Variants in KCNH1 observed in about 807,000 individuals in gnomAD.
KCNH1 encodes voltage-gated delayed rectifier potassium channel KCNH1.
Under a neutral mutation model 69.2 loss-of-function variants are expected in KCNH1, and 27 were observed. The ratio of observed to expected loss-of-function variants is 0.39; its 90% CI spans 0.29 to 0.54. The LOEUF (loss-of-function observed/expected upper bound fraction) is 0.54. Among genes scored for constraint, KCNH1 ranks in the 20% least tolerant of loss-of-function variants. KCNH1 has a pLI of 0.68. For missense variants in KCNH1, 798 were observed against 1,261.6 expected (o/e 0.63, Z 5.57); for synonymous variants, 456 against 487.7 (o/e 0.93, Z 0.86).
rs768204088 is a variant in KCNH1, at chr1:210,683,880, G to A, written c.2371C>T (p.Arg791Cys). The change falls in exon 11 of 11, where the codon CGT becomes TGT. Residue 791 changes from arginine to cysteine, a missense_variant. Physicochemically the swap from Arg to Cys is radical, Grantham distance 180. This residue lies in a region of KCNH1 where 331 missense variants were observed against 363.2 expected (regional missense o/e 0.91). Coordinates refer to ENST00000271751, the MANE Select transcript of KCNH1 (RefSeq NM_172362.3). This position sits in a 1 kb window ranked among gnomAD's most constrained non-coding sequence, Gnocchi z 5.7. ...GATACGGGCGTGGCAGGACTCTCACGCACGGTGACCACGCTGGCCTTCACG... is the reference window on the plus strand; with the variant it reads ...GATACGGGCGTGGCAGGACTCTCACACACGGTGACCACGCTGGCCTTCACG... Reference protein sequence around the residue: ...SLVKASVVTVRESPATPVSFQ... With the variant: ...SLVKASVVTVCESPATPVSFQ... 3.1e-6 allele frequency: 5 copies of A among 1,613,920 alleles called. No homozygotes were observed. Among genetic ancestry groups the A allele is most frequent in the African/African-American group, 2.7e-5 (2 of 74,922 alleles).
At chr1:211,012,104 T>C (rs917651097) in intron 6 of KCNH1, among the ~76,000 whole-genome samples, 2 of 152,120 alleles carry the variant, frequency 1.3e-5, no homozygotes, top group Non-Finnish European at 2.9e-5. Flanking sequence ...TCCAAAATAA[T>C]TGGATAGAAG....
intron 7 of KCNH1, among the ~76,000 whole-genome samples, chr1:210,870,454 G>A (rs1316584179): frequency 1.3e-5 from 2 of 152,128 alleles, no homozygotes; most frequent in African/African-American, 4.8e-5. Flanking sequence ...TCTCCCAGCT[G>A]AGATTCTTAG....
Position 210,681,092 on chromosome 1 carries a change from G to C in KCNH1, c.*2189C>G, listed in dbSNP as rs1256223784. ...GCAGGTTCTTCTGAGGCTGGGTTTTGGGGGTGATTAGAGGCCTGCCCTGCC... is the reference window on the plus strand; with the variant it reads ...GCAGGTTCTTCTGAGGCTGGGTTTTCGGGGTGATTAGAGGCCTGCCCTGCC... On this transcript the variant is annotated 3_prime_UTR_variant, in exon 11 of 11. Transcript: ENST00000271751. The C allele has an allele frequency of 6.6e-6, 1 of 152,212 alleles. No individual in the cohort carries two copies. Among genetic ancestry groups the C allele is most frequent in the Admixed American group, 6.5e-5 (1 of 15,288 alleles). The allele number at this position is 152,212 out of a possible 1,614,324, so 9.4% of individuals were successfully genotyped here. A position where few individuals can be genotyped will look rare whatever the true frequency, so the allele number is the denominator to read the frequency against.
chr1:210,690,699 C>A (rs888689591), intron 10 of KCNH1, among the ~76,000 whole-genome samples: 1 of 152,176 alleles, frequency 6.6e-6, no homozygotes, highest in African/African-American at 2.4e-5. Flanking sequence ...ATTTTCTCCT[C>A]GGTATCATGA....
chr1:211,024,324 G>A (rs1481747293), intron 5 of KCNH1, among the ~76,000 whole-genome samples: 1 of 152,212 alleles, frequency 6.6e-6, no homozygotes, highest in African/African-American at 2.4e-5. Flanking sequence ...TGACAACAAA[G>A]AATCAGCCAT....
rs544954730 is a variant in KCNH1 at position 211,066,260 on chromosome 1, C to T, written c.558+16520G>A. On this transcript the variant is annotated intron_variant, in intron 5 of 10. Transcript: ENST00000271751. ...CTAGAAAGTGATATAAAGAGCCAAACGTCAAAATCTAATATTAAACTAATA... is the reference window on the plus strand; with the variant it reads ...CTAGAAAGTGATATAAAGAGCCAAATGTCAAAATCTAATATTAAACTAATA... Among the ~76,000 whole-genome samples the T allele has an allele frequency of 1.9e-4, 29 of 152,150 alleles. 1 individual carries two copies. Among genetic ancestry groups the T allele is most frequent in the Middle Eastern group, 3.4e-3 (1 of 294 alleles).
chr1:211,062,203 C>T (rs1012008851), intron 5 of KCNH1, among the ~76,000 whole-genome samples: 7 of 152,030 alleles, frequency 4.6e-5, no homozygotes, highest in Non-Finnish European at 1.0e-4. Flanking sequence ...GTATGAAAAA[C>T]ATACATTGGG....
chr1:210,875,786 G>C (rs577054784), intron 7 of KCNH1, among the ~76,000 whole-genome samples: 2 of 145,564 alleles, frequency 1.4e-5, no homozygotes, highest in Non-Finnish European at 3.0e-5. Context: ...CTGGGCTACA[G>C]AGCAAGACAC....
At chr1:210,892,513 CCAG>C (rs1482476047) in intron 7 of KCNH1, among the ~76,000 whole-genome samples, 1 of 152,076 alleles carries the variant, frequency 6.6e-6, no homozygotes, top group Non-Finnish European at 1.5e-5. Context: ...TGCCTCCATC[CCAG>C]CATGGGTCAC....
intron 3 of KCNH1, among the ~76,000 whole-genome samples, chr1:211,098,637 T>C (rs1558603606): frequency 6.6e-6 from 1 of 152,042 alleles, no homozygotes; most frequent in Non-Finnish European, 1.5e-5. Flanking sequence ...AAAAAAGAAC[T>C]AAAACAATGT....
chr1:210,906,276 T>A (rs924569), intron 7 of KCNH1, among the ~76,000 whole-genome samples: 1 of 151,974 alleles, frequency 6.6e-6, no homozygotes, highest in Non-Finnish European at 1.5e-5. Context: ...AGTAATTTCA[T>A]ATGGAGCAAG....
At position 210,846,314 on chromosome 1, in the gene KCNH1, G is replaced by A. The variant is rs1375376931; in HGVS notation, c.1463-42148C>T. Among the ~76,000 whole-genome samples, 4 of 152,228 alleles carry A rather than the reference G, an allele frequency of 2.6e-5. 1 individual carries two copies. The highest frequency in any genetic ancestry group is 3.9e-4 in the East Asian group (2 of 5,184). On this transcript the variant is annotated intron_variant, in intron 7 of 10. Coordinates refer to ENST00000271751, the MANE Select transcript of KCNH1 (RefSeq NM_172362.3). Reference sequence around the variant, plus strand: ...AGAACAAACCTGGAGGCATCACGCTGCCTGACTTCAAACTATACTACAAGG... The same window carrying A: ...AGAACAAACCTGGAGGCATCACGCTACCTGACTTCAAACTATACTACAAGG...
At chr1:211,011,577 C>CTCT (rs1253821642) in intron 6 of KCNH1, among the ~76,000 whole-genome samples, 5 of 152,200 alleles carry the variant, frequency 3.3e-5, no homozygotes, top group Non-Finnish European at 7.3e-5. Flanking sequence ...AATGGTTGAA[C>CTCT]TCTTGCATTG....
intron 8 of KCNH1, among the ~76,000 whole-genome samples, chr1:210,800,586 A>T (rs946032582): frequency 2.6e-5 from 4 of 152,182 alleles, no homozygotes; most frequent in African/African-American, 9.7e-5. Flanking sequence ...AGACTGTCAC[A>T]GCCATCAGTC....
chr1:211,035,431 G>C (rs1418600717), intron 5 of KCNH1, among the ~76,000 whole-genome samples: 3 of 150,508 alleles, frequency 2.0e-5, no homozygotes, highest in Non-Finnish European at 3.0e-5. Context: ...TGTATTTTTA[G>C]TAGAGACGGG....
chr1:210,885,808 T>A (rs1481643723), intron 7 of KCNH1, among the ~76,000 whole-genome samples: 13 of 152,130 alleles, frequency 8.5e-5, no homozygotes, highest in African/African-American at 3.1e-4. Flanking sequence ...CACACCAAAG[T>A]GCCACAAAGC....
intron 10 of KCNH1, among the ~76,000 whole-genome samples, chr1:210,688,854 T>G (rs528006545): frequency 6.6e-6 from 1 of 152,306 alleles, no homozygotes; most frequent in African/African-American, 2.4e-5. Context: ...GTTGTTCCAC[T>G]GCAAAAGGCC....
intron 10 of KCNH1, among the ~76,000 whole-genome samples, chr1:210,700,132 C>A (rs73067449): frequency 0.026 from 4,010 of 152,250 alleles, 101 homozygotes; most frequent in African/African-American, 0.068. Context: ...TGATGAGCCA[C>A]CCAAGATGGT....
intron 9 of KCNH1, among the ~76,000 whole-genome samples, chr1:210,777,916 C>T (rs1683893828): frequency 6.6e-6 from 1 of 152,202 alleles, no homozygotes; most frequent in Admixed American, 6.5e-5. Flanking sequence ...GATTTTGAGT[C>T]AAGGTCATAA....
Sources: allele counts gnomAD v4.1 joint callset (sites outside exome capture counted in the v4.1 genomes callset), GRCh38; gene constraint gnomAD v4.1.1; regional missense constraint gnomAD v4.1.1; non-coding constraint Gnocchi (gnomAD v3.1); transcripts MANE v1.5; gene names NCBI Gene and HGNC (gene_info 2026-07-23, HGNC 2026-07-21).